The following SPATA18 variants were observed in gnomAD, a reference collection of about 807,000 sequenced individuals.
The protein encoded by SPATA18 is mitochondria-eating protein.
SPATA18 carries 54 observed loss-of-function variants against 68.1 expected under a neutral mutation model. The ratio of observed to expected loss-of-function variants is 0.79; its 90% confidence interval spans 0.64 to 0.99. SPATA18 has a LOEUF of 0.99. Among genes scored for constraint, SPATA18 ranks in the 50% least tolerant of loss-of-function variants. SPATA18 has a pLI of 0.00. For synonymous variants in SPATA18, 242 were observed against 244.8 expected (o/e 0.99, Z 0.11); for missense variants, 724 against 681.1 (o/e 1.06, Z -0.70).
Position 52,077,010 on chromosome 4 carries a change from C to T in SPATA18, c.990C>T (p.Thr330=), listed in dbSNP as rs375992709. 5.3e-5 allele frequency: 86 copies of T among 1,609,778 alleles called. No homozygotes were observed. The highest frequency in any genetic ancestry group is 6.9e-5 in the Non-Finnish European group (81 of 1,177,976). ...GGCGCTGCATCGACAAGGCTGAGAC[C>T]GTTCAGCGGATCATCTACATCGCCA... ...LLRRCIDKAE[T]VQRIIYIATV... is the part of the protein sequence containing the mutation. Residue 330 remains threonine, a synonymous_variant, in exon 7 of 13, where the codon ACC becomes ACT. Coordinates refer to ENST00000295213, the MANE Select transcript of SPATA18 (RefSeq NM_145263.4).
At chr4:52,067,638 C>T (rs1490519622) in intron 4 of SPATA18, among the ~76,000 whole-genome samples, 1 of 152,146 alleles carries the variant, frequency 6.6e-6, no homozygotes, top group Non-Finnish European at 1.5e-5. Flanking sequence ...GTGCCTTTCT[C>T]AGAGTCCTTC....
intron 4 of SPATA18, among the ~76,000 whole-genome samples, chr4:52,064,976 T>TA (rs1158139756): frequency 6.6e-6 from 1 of 152,206 alleles, no homozygotes; most frequent in Non-Finnish European, 1.5e-5. Context: ...CTTGCAGGAG[T>TA]AAGATGGTAT....
chr4:52,062,353 C>T, intron 4 of SPATA18, 21 bp downstream of exon 4: 8 of 1,480,830 alleles, frequency 5.4e-6, no homozygotes, highest in Non-Finnish European at 7.4e-6. Flanking sequence ...TGCAAGTTAT[C>T]TTTTTCCAAA....
chr4:52,090,992 T>C (rs550001241), intron 11 of SPATA18, among the ~76,000 whole-genome samples: 24 of 152,154 alleles, frequency 1.6e-4, no homozygotes, highest in African/African-American at 5.1e-4. Flanking sequence ...TTGTTCCTTT[T>C]TATTCTTTTT....
In SPATA18 at chr4:52,060,746, G is replaced by A. The variant is rs757670669; in HGVS notation, c.194-36G>A. ...ATATGTATACATGTGCCATGTTGGT[G>A]TGCTGCACCCATTAACTCGTCATTT... On this transcript the variant is annotated intron_variant, in intron 2 of 12. Transcript: ENST00000295213. The A allele has an allele frequency of 7.7e-6, 12 of 1,557,596 alleles. No homozygotes were observed. In the Admixed American group the frequency reaches 2.0e-4, roughly 26 times the overall value.
At chr4:52,061,034 C>CA in intron 3 of SPATA18, 137 bp downstream of exon 3, 2 of 699,270 alleles carry the variant, frequency 2.9e-6, no homozygotes, top group Non-Finnish European at 4.8e-6. Context: ...TGGTGGTTTC[C>CA]ATGGGACGGT....
At chr4:52,074,129 C>T (rs915927302) in intron 6 of SPATA18, among the ~76,000 whole-genome samples, 3 of 152,048 alleles carry the variant, frequency 2.0e-5, no homozygotes, top group African/African-American at 7.2e-5. Context: ...ATCCTAGGGT[C>T]CTTTTTCTTC....
intron 11 of SPATA18, among the ~76,000 whole-genome samples, chr4:52,093,006 A>T (rs888266409): frequency 1.2e-4 from 18 of 152,290 alleles, no homozygotes; most frequent in African/African-American, 4.3e-4. Context: ...GGATGGTGGG[A>T]GGAGGGAGAG....
At chr4:52,094,203 A>G (rs1035457749) in intron 11 of SPATA18, among the ~76,000 whole-genome samples, 1 of 152,184 alleles carries the variant, frequency 6.6e-6, no homozygotes, top group African/African-American at 2.4e-5. Context: ...TAATTTTTAT[A>G]AAGGATCTCC....
Position 52,062,249 on chromosome 4 carries a change from T to A in SPATA18, c.339T>A (p.Asp113Glu). ...CGTTTGATAGGGAGAGACATAAAGA[T>A]CCCAGTCCTCGGGATCGGGATATGC... ...QDTFDRERHK[D>E]PSPRDRDMQQ... Residue 113 changes from aspartate (D) to glutamate (E), a missense_variant, in exon 4 of 13, where the codon GAT becomes GAA. Transcript: ENST00000295213. The A allele has an allele frequency of 1.2e-6, 2 of 1,601,780 alleles. No individual in the cohort carries two copies. The highest frequency in any genetic ancestry group is 1.7e-6 in the Non-Finnish European group (2 of 1,173,088).
chr4:52,053,036 T>C (rs116450323), intron 1 of SPATA18, among the ~76,000 whole-genome samples: 223 of 152,342 alleles, frequency 1.5e-3, no homozygotes, highest in African/African-American at 5.3e-3. Flanking sequence ...ATTTTAAAAG[T>C]ACCTACTACT....
At chr4:52,092,968 C>G (rs994043580) in intron 11 of SPATA18, among the ~76,000 whole-genome samples, 1 of 152,016 alleles carries the variant, frequency 6.6e-6, no homozygotes, top group Non-Finnish European at 1.5e-5. Flanking sequence ...AAAGAGGGAA[C>G]AGCAGACACT....
intron 4 of SPATA18, among the ~76,000 whole-genome samples, chr4:52,063,025 T>C (rs886154950): frequency 6.6e-6 from 1 of 152,218 alleles, no homozygotes; most frequent in Non-Finnish European, 1.5e-5. Context: ...GGGTTTGTAC[T>C]TGAGGCAGGT....
In SPATA18 at chr4:52,072,158, T is replaced by A. The variant is rs1325969719; in HGVS notation, c.758+2T>A. 1 of 1,613,362 alleles carries A rather than the reference T, an allele frequency of 6.2e-7. No homozygotes were observed. The highest frequency in any genetic ancestry group is 8.5e-7 in the Non-Finnish European group (1 of 1,179,816). On this transcript the variant is annotated splice_donor_variant, in intron 6 of 12. Transcript: ENST00000295213. LOFTEE classifies it high-confidence loss of function. ...TGAGAAAAGTGCACTCCAAGGAAGG[T>A]CAGACAAACTCTCAAAGATCTTCTC...
intron 1 of SPATA18, among the ~76,000 whole-genome samples, chr4:52,058,247 A>T (rs181526114): frequency 9.2e-5 from 14 of 152,388 alleles, no homozygotes; most frequent in African/African-American, 3.4e-4. Flanking sequence ...TAGTGGCAAT[A>T]GATACAAACA....
chr4:52,082,659 G>C (rs775275915), intron 10 of SPATA18, 149 bp downstream of exon 10: 1 of 1,522,150 alleles, frequency 6.6e-7, no homozygotes, highest in Non-Finnish European at 8.8e-7. Context: ...ATCTCAAGAA[G>C]AACTGATTCT....
chr4:52,082,664 G>T, intron 10 of SPATA18, 154 bp downstream of exon 10: 9 of 1,511,166 alleles, frequency 6.0e-6, no homozygotes, highest in Non-Finnish European at 8.0e-6. Context: ...AAGAAGAACT[G>T]ATTCTTTTCT....
intron 11 of SPATA18, among the ~76,000 whole-genome samples, chr4:52,090,776 T>C (rs1741871323): frequency 6.6e-6 from 1 of 152,154 alleles, no homozygotes; most frequent in African/African-American, 2.4e-5. Flanking sequence ...GGGGTTGCTC[T>C]TCTTGAAGAG....
chr4:52,060,382 G>A lies in SPATA18; in HGVS notation c.88-37G>A, dbSNP rs370448764. Reference sequence around the variant, plus strand: ...TGTCTGCAGTGGGTCCCAGAGTGAAGTAATTACCCTGGTTATCTACTGTTT... The same window carrying A: ...TGTCTGCAGTGGGTCCCAGAGTGAAATAATTACCCTGGTTATCTACTGTTT... On this transcript the variant is annotated intron_variant, in intron 1 of 12. Transcript: ENST00000295213. 6.4e-6 allele frequency: 10 copies of A among 1,559,628 alleles called. No individual in the cohort carries two copies. In the African/African-American group the frequency reaches 1.2e-4, roughly 19 times the overall value.
Sources: allele counts gnomAD v4.1 joint callset (sites outside exome capture counted in the v4.1 genomes callset), GRCh38; gene constraint gnomAD v4.1.1; transcripts MANE v1.5; gene names NCBI Gene and HGNC (gene_info 2026-07-23, HGNC 2026-07-21).